The following LINGO2 variants were observed in gnomAD, a reference collection of about 807,000 sequenced individuals.
The protein encoded by LINGO2 is leucine rich repeat and Ig domain containing 2, also known as leucine-rich repeat and immunoglobulin-like domain-containing nogo receptor-interacting protein 2.
LINGO2 carries 14 observed loss-of-function variants against 30.6 expected under a neutral mutation model. The ratio of observed to expected loss-of-function variants is 0.46; its 90% CI spans 0.30 to 0.72. The LOEUF is 0.72. Ranked by LOEUF, LINGO2 falls within the 30% of genes least tolerant of loss-of-function variation. The pLI is 0.07. For synonymous variants in LINGO2, 317 were observed against 288.5 expected, an observed-to-expected ratio of 1.10 and a Z score of -1.00; for missense variants, 729 against 751.7, an observed-to-expected ratio of 0.97 and a Z score of 0.35.
intron 5 of LINGO2, among the ~76,000 whole-genome samples, 192 bp from the exon 7 acceptor site, chr9:27,950,898 T>C (rs1819274319): frequency 6.6e-6 from 1 of 152,150 alleles, no homozygotes; most frequent in South Asian, 2.1e-4. Flanking sequence ...CTCTCTGCAT[T>C]TTAGTTTTCC....
chr9:28,286,991 G>T (rs1321848210), intron 4 of LINGO2, among the ~76,000 whole-genome samples: 1 of 152,136 alleles, frequency 6.6e-6, no homozygotes, highest in Admixed American at 6.5e-5. Context: ...TGTGATGTTA[G>T]CACAGGTTTA....
chr9:28,100,281 C>T (rs1201212268), intron 4 of LINGO2, among the ~76,000 whole-genome samples: 5 of 152,122 alleles, frequency 3.3e-5, no homozygotes, highest in Non-Finnish European at 7.3e-5. Flanking sequence ...TTCAGAGCAA[C>T]AAAAATCTCT....
At chr9:28,997,800 G>A in the LINGO2 span, among the ~76,000 whole-genome samples, 1 of 151,022 alleles carries the variant, frequency 6.6e-6, no homozygotes, top group South Asian at 2.1e-4. Flanking sequence ...TCCAGCCTGG[G>A]CAACAGAGCA....
chr9:28,374,206 T>TATATATATATATATA (rs1554713022), intron 2 of LINGO2, among the ~76,000 whole-genome samples: 73 of 109,814 alleles, frequency 6.6e-4, no homozygotes, highest in East Asian at 3.3e-3. Flanking sequence ...AAATATGTTT[T>TATATATATATATATA]TATTTATATA....
chr9:28,181,963 C>T (rs1490776879), intron 4 of LINGO2, among the ~76,000 whole-genome samples: 4 of 152,018 alleles, frequency 2.6e-5, no homozygotes, highest in African/African-American at 9.7e-5. Flanking sequence ...AAACAAACTA[C>T]TTTAAATTTC....
chr9:28,866,981 A>G, the LINGO2 span, among the ~76,000 whole-genome samples: 1 of 152,182 alleles, frequency 6.6e-6, no homozygotes, highest in Middle Eastern at 3.2e-3. Flanking sequence ...TTCAACCCAC[A>G]CAAGCAAGAA....
chr9:28,481,314 G>A (rs1269618342), intron 1 of LINGO2, among the ~76,000 whole-genome samples: 2 of 152,018 alleles, frequency 1.3e-5, no homozygotes, highest in Non-Finnish European at 2.9e-5. Context: ...AGATGTTATG[G>A]CTACTCTAAG....
chr9:28,481,151 T>G (rs1017940808), intron 1 of LINGO2, among the ~76,000 whole-genome samples: 1 of 152,174 alleles, frequency 6.6e-6, no homozygotes, highest in Non-Finnish European at 1.5e-5. Context: ...TTGATTTACC[T>G]TTTTGGGCTC....
the LINGO2 span, among the ~76,000 whole-genome samples, chr9:29,055,507 C>A: frequency 6.6e-6 from 1 of 152,122 alleles, no homozygotes; most frequent in Non-Finnish European, 1.5e-5. Context: ...ATGCTGTAAT[C>A]AACATGAAAG....
At chr9:28,857,340 T>G in the LINGO2 span, among the ~76,000 whole-genome samples, 1 of 152,090 alleles carries the variant, frequency 6.6e-6, no homozygotes, top group African/African-American at 2.4e-5. Flanking sequence ...TAAGCCTTTA[T>G]TACATGTTAC....
At chr9:28,955,919 G>A in the LINGO2 span, among the ~76,000 whole-genome samples, 2 of 151,982 alleles carry the variant, frequency 1.3e-5, no homozygotes, top group Non-Finnish European at 2.9e-5. Flanking sequence ...AGGCATGAAC[G>A]ACCATGCCCA....
At chr9:28,065,873 A>C (rs927312190) in intron 4 of LINGO2, among the ~76,000 whole-genome samples, 2 of 151,930 alleles carry the variant, frequency 1.3e-5, no homozygotes, top group Non-Finnish European at 2.9e-5. Flanking sequence ...GCTCACAAAA[A>C]CCCCAGAAAT....
At chr9:28,907,397 C>T in the LINGO2 span, among the ~76,000 whole-genome samples, 1 of 151,792 alleles carries the variant, frequency 6.6e-6, no homozygotes, top group African/African-American at 2.4e-5. Flanking sequence ...AGAAAAGGGT[C>T]TTTCAGTCTT....
At chr9:28,110,475 A>G (rs947085261) in intron 4 of LINGO2, among the ~76,000 whole-genome samples, 2 of 152,258 alleles carry the variant, frequency 1.3e-5, no homozygotes, top group African/African-American at 4.8e-5. Flanking sequence ...AGAATGGGAT[A>G]AAAGTTTTGC....
intron 4 of LINGO2, among the ~76,000 whole-genome samples, chr9:28,273,952 C>T (rs183307853): frequency 6.6e-6 from 1 of 152,192 alleles, no homozygotes; most frequent in Non-Finnish European, 1.5e-5. Flanking sequence ...GAGGAACTCC[C>T]CTTTCCTCCA....
At chr9:28,909,738 CAGTGGCAAGGAATTGGA>C in the LINGO2 span, among the ~76,000 whole-genome samples, 1 of 152,006 alleles carries the variant, frequency 6.6e-6, no homozygotes, top group Non-Finnish European at 1.5e-5. Flanking sequence ...AGATCACCAT[CAGTGGCAAGGAATTGGA>C]AGTTGCTAAA....
intron 4 of LINGO2, among the ~76,000 whole-genome samples, chr9:28,190,224 T>C (rs1450829116): frequency 6.6e-6 from 1 of 152,190 alleles, no homozygotes; most frequent in Non-Finnish European, 1.5e-5. Flanking sequence ...TAAGGGTTGA[T>C]AAACTTCCCC....
chr9:28,697,447 C>G, the LINGO2 span, among the ~76,000 whole-genome samples: 2 of 151,682 alleles, frequency 1.3e-5, no homozygotes, highest in Non-Finnish European at 2.9e-5. Flanking sequence ...ATTGTTTTAC[C>G]TAGTGGTTAG....
intron 2 of LINGO2, among the ~76,000 whole-genome samples, chr9:28,387,542 G>C (rs1821638215): frequency 6.6e-6 from 1 of 152,186 alleles, no homozygotes; most frequent in Non-Finnish European, 1.5e-5. Context: ...ATAAATCTTG[G>C]TGCTGCTCAC....
Sources: allele counts gnomAD v4.1 joint callset (sites outside exome capture counted in the v4.1 genomes callset), GRCh38; gene constraint gnomAD v4.1.1; transcripts MANE v1.5; gene names NCBI Gene and HGNC (gene_info 2026-07-23, HGNC 2026-07-21).